The following MRTFA variants were observed in gnomAD, a reference collection of about 807,000 sequenced individuals.
MRTFA encodes myocardin related transcription factor A, also known as myocardin-related transcription factor A.
A neutral mutation model predicts 83.5 loss-of-function variants in MRTFA; 20 were observed. The observed-to-expected ratio is 0.24, with a 90% CI of 0.17 to 0.35. The LOEUF is 0.35. Ranked by LOEUF, MRTFA falls within the 10% of genes least tolerant of loss-of-function variation. The pLI is 1.00. For synonymous variants in MRTFA, 659 were observed against 541.2 expected (o/e 1.22, Z -3.02); for missense variants, 1,200 against 1,224.7 (o/e 0.98, Z 0.30).
chr22:40,556,981 A>T (rs994899134), intron 2 of MRTFA, among the ~76,000 whole-genome samples: 2 of 152,346 alleles, frequency 1.3e-5, no homozygotes, highest in South Asian at 4.1e-4. Flanking sequence ...CACATAGAGT[A>T]ACAGGTTTTC....
rs1436095897 is a variant in MRTFA, at chr22:40,506,658, T to TG, written c.242-43373dup. Reference sequence around the variant, plus strand: ...CTTAGGCAAATAATAATTCTCTAAATGGGGGGGTGATGAATCATGACTTTA... The same window carrying TG: ...CTTAGGCAAATAATAATTCTCTAAATGGGGGGGGTGATGAATCATGACTTTA... On this transcript the variant is annotated intron_variant, in intron 3 of 14. Coordinates refer to ENST00000355630, the MANE Select transcript of MRTFA (RefSeq NM_020831.6). Among the ~76,000 whole-genome samples the TG allele has an allele frequency of 7.2e-5, 11 of 152,292 alleles. No individual in the cohort carries two copies. The East Asian group carries it at 9.6e-4, about 13-fold the overall frequency.
intron 1 of MRTFA, among the ~76,000 whole-genome samples, chr22:40,607,974 T>A (rs1234830226): frequency 6.6e-6 from 1 of 152,180 alleles, no homozygotes; most frequent in Non-Finnish European, 1.5e-5. Context: ...GTTAATACAG[T>A]AACAACTGTA....
At chr22:40,486,300 T>A (rs1221099918) in intron 3 of MRTFA, among the ~76,000 whole-genome samples, 1 of 152,238 alleles carries the variant, frequency 6.6e-6, no homozygotes, top group Non-Finnish European at 1.5e-5. Context: ...AGGAAATGAT[T>A]CGATTACGGA....
rs777946779 is a variant in MRTFA at position 40,420,909 on chromosome 22, C to T, written c.1119G>A (p.Gln373=). The T allele has an allele frequency of 1.9e-6, 3 of 1,614,056 alleles. No homozygotes were observed. Among genetic ancestry groups the T allele is most frequent in the East Asian group, 4.5e-5 (2 of 44,890 alleles). Residue 373 remains glutamine (Q), a synonymous_variant, in exon 10 of 15, where the codon CAG becomes CAA. Transcript: ENST00000355630. ...GCTGCTGCTGCTGCTGGTTGAGGAT[C>T]TGCAGCTGGAGGAAGAGCTGCTGCT...
At chr22:40,426,146 T>A (rs1191758412) in intron 7 of MRTFA, among the ~76,000 whole-genome samples, 1 of 151,956 alleles carries the variant, frequency 6.6e-6, no homozygotes, top group Non-Finnish European at 1.5e-5. Context: ...CCAACCCCCA[T>A]CAGCCCTTTT....
chr22:40,607,961 T>G (rs1284631921), intron 1 of MRTFA, among the ~76,000 whole-genome samples: 1 of 152,180 alleles, frequency 6.6e-6, no homozygotes, highest in Non-Finnish European at 1.5e-5. Context: ...AATAATTCCT[T>G]CAGTTAATAC....
At chr22:40,490,597 TCAAAAAAAAA>T (rs1401828812) in intron 3 of MRTFA, among the ~76,000 whole-genome samples, 1 of 122,578 alleles carries the variant, frequency 8.2e-6, no homozygotes, top group African/African-American at 3.1e-5. Flanking sequence ...AGATTCCATC[TCAAAAAAAAA>T]AAAAAGAAAA....
intron 3 of MRTFA, chr22:40,526,799 A>G (rs1235021012): frequency 6.6e-6 from 1 of 152,168 alleles, no homozygotes; most frequent in Non-Finnish European, 1.5e-5. Context: ...AAATCAAACA[A>G]TATACCTAAG....
intron 1 of MRTFA, among the ~76,000 whole-genome samples, chr22:40,625,473 A>G (rs1414120519): frequency 6.6e-6 from 1 of 151,070 alleles, no homozygotes; most frequent in Non-Finnish European, 1.5e-5. Flanking sequence ...AAATAAATAA[A>G]TAAATAAATA....
At chr22:40,593,180 G>A (rs2056145949) in intron 2 of MRTFA, among the ~76,000 whole-genome samples, 2 of 151,896 alleles carry the variant, frequency 1.3e-5, no homozygotes, top group Non-Finnish European at 2.9e-5. Flanking sequence ...CCCAAAAAAA[G>A]AAAAAAATTA....
At chr22:40,435,580 T>A (rs1449714238) in intron 4 of MRTFA, 26 bp from the exon 5 acceptor site, 9 of 1,612,524 alleles carry the variant, frequency 5.6e-6, no homozygotes, top group Non-Finnish European at 6.8e-6. Context: ...CCGTAAAGAT[T>A]ACCTTCAAGC....
At chr22:40,464,096 T>A (rs1602286987) in intron 3 of MRTFA, among the ~76,000 whole-genome samples, 1 of 151,332 alleles carries the variant, frequency 6.6e-6, no homozygotes, top group African/African-American at 2.4e-5. Context: ...AGGTCAGGAG[T>A]TCGAGACCAG....
At chr22:40,588,979 T>A (rs1407308651) in intron 2 of MRTFA, among the ~76,000 whole-genome samples, 1 of 152,008 alleles carries the variant, frequency 6.6e-6, no homozygotes, top group African/African-American at 2.4e-5. Context: ...TAAGACCTTG[T>A]CTCAGGGGAA....
At chr22:40,635,145 C>A (rs1428050271) in intron 1 of MRTFA, among the ~76,000 whole-genome samples, 1 of 152,122 alleles carries the variant, frequency 6.6e-6, no homozygotes, top group Non-Finnish European at 1.5e-5. Context: ...AAAATGCAAA[C>A]GACATTAAGC....
chr22:40,484,247 T>A (rs1165954385), intron 3 of MRTFA, among the ~76,000 whole-genome samples: 3 of 152,140 alleles, frequency 2.0e-5, no homozygotes, highest in Admixed American at 2.0e-4. Flanking sequence ...GATAAAAATT[T>A]AAAAATAAAA....
At chr22:40,499,574 T>G (rs537885672) in intron 3 of MRTFA, among the ~76,000 whole-genome samples, 1 of 152,212 alleles carries the variant, frequency 6.6e-6, no homozygotes, top group Non-Finnish European at 1.5e-5. Flanking sequence ...TTTTTAAAAT[T>G]TTAATACCTC....
chr22:40,486,582 C>A (rs1271880649), intron 3 of MRTFA, among the ~76,000 whole-genome samples: 1 of 152,150 alleles, frequency 6.6e-6, no homozygotes, highest in Non-Finnish European at 1.5e-5. Context: ...ATGCATATTT[C>A]CATACTAAGA....
chr22:40,440,104 A>G (rs2147108826), intron 4 of MRTFA: 2 of 148,080 alleles, frequency 1.4e-5, no homozygotes, highest in Middle Eastern at 3.5e-3. Flanking sequence ...GTGAACCAAG[A>G]TTGCACCACT....
chr22:40,634,386 C>A (rs1286383072), intron 1 of MRTFA, among the ~76,000 whole-genome samples: 1 of 152,208 alleles, frequency 6.6e-6, no homozygotes, highest in African/African-American at 2.4e-5. Flanking sequence ...AGCCACTGTG[C>A]CCCGCCTATC....
Sources: allele counts gnomAD v4.1 joint callset (sites outside exome capture counted in the v4.1 genomes callset), GRCh38; gene constraint gnomAD v4.1.1; transcripts MANE v1.5; gene names NCBI Gene and HGNC (gene_info 2026-07-23, HGNC 2026-07-21).